CDH2: variants seen among roughly 807,000 people sequenced by gnomAD.
The protein encoded by CDH2 is cadherin 2, also known as cadherin-2.
A neutral mutation model predicts 92.0 loss-of-function variants in CDH2; 17 were observed. That is an observed-to-expected ratio of 0.18 (90% CI 0.13 to 0.28). CDH2 has a LOEUF of 0.28. CDH2 is among the 10% of genes least tolerant of loss of function. The probability of loss-of-function intolerance (pLI) is 1.00; values close to 1 mark genes in which losing one functional copy is unlikely to be tolerated. For missense variants in CDH2, 862 were observed against 1,133.1 expected (o/e 0.76, Z 3.44); for synonymous variants, 419 against 415.9 (o/e 1.01, Z -0.09).
At chr18:28,101,289 T>C (rs896918790) in intron 2 of CDH2, among the ~76,000 whole-genome samples, 11 of 152,238 alleles carry the variant, frequency 7.2e-5, no homozygotes, top group Admixed American at 6.5e-4. Flanking sequence ...GACCTTCCCA[T>C]GCCCTCAAAT....
chr18:28,003,002 G>T lies in CDH2; in HGVS notation c.1015C>A (p.Arg339=), dbSNP rs199703048. The change falls in exon 7 of 16, where the codon CGA becomes AGA. Residue 339 remains arginine, a synonymous_variant. Transcript: ENST00000269141. ...AGAGTTTTTGGTTGGCTTACTTCTCGATCAAGTCCAGCTGCCACTGTGATG... is the reference window on the plus strand; with the variant it reads ...AGAGTTTTTGGTTGGCTTACTTCTCTATCAAGTCCAGCTGCCACTGTGATG... The part of the protein sequence containing the change: ...DIITVAAGLD[R]EKVQQYTLII... 2.0e-5 allele frequency: 32 copies of T among 1,612,832 alleles called. No homozygotes were observed. Among genetic ancestry groups the T allele is most frequent in the Non-Finnish European group, 2.5e-5 (30 of 1,179,162 alleles).
chr18:28,038,370 C>T (rs1260944378), intron 2 of CDH2, among the ~76,000 whole-genome samples: 1 of 151,690 alleles, frequency 6.6e-6, no homozygotes, highest in Non-Finnish European at 1.5e-5. Flanking sequence ...CTACAGTGAG[C>T]TGTGATTGCA....
rs191615474 is a variant in CDH2, at chr18:27,990,498, A to G, written c.1345-148T>C. ...CCTCTCAAGTTTCTGGAAAACATGCATTAGCATGGTCACTTATCAAAATAT... is the reference window on the plus strand; with the variant it reads ...CCTCTCAAGTTTCTGGAAAACATGCGTTAGCATGGTCACTTATCAAAATAT... On this transcript the variant is annotated intron_variant, in intron 9 of 15. Transcript: ENST00000269141. 6 of 663,608 alleles carry G rather than the reference A, an allele frequency of 9.0e-6. No homozygotes were observed. The East Asian group carries it at 1.4e-4, about 15-fold the overall frequency. 41.1% of individuals were successfully genotyped at this position (663,608 alleles called of 1,614,324 possible).
intron 2 of CDH2, among the ~76,000 whole-genome samples, chr18:28,124,321 T>C (rs1408107387): frequency 6.6e-6 from 1 of 152,190 alleles, no homozygotes; most frequent in Non-Finnish European, 1.5e-5. Flanking sequence ...AGCCTGAATG[T>C]GCTGCGAATT....
At chr18:28,119,334 T>C (rs965891930) in intron 2 of CDH2, among the ~76,000 whole-genome samples, 8 of 152,152 alleles carry the variant, frequency 5.3e-5, no homozygotes, top group African/African-American at 1.9e-4. Flanking sequence ...ATGGGGAGCT[T>C]AATAAAGAGC....
intron 2 of CDH2, among the ~76,000 whole-genome samples, chr18:28,043,889 G>GTTTT (rs1298359943): frequency 2.6e-5 from 2 of 78,248 alleles, no homozygotes; most frequent in African/African-American, 4.2e-5. Flanking sequence ...CAGAATCTCG[G>GTTTT]ATTTTTTTTT....
At chr18:28,121,604 C>A (rs1279843425) in intron 2 of CDH2, among the ~76,000 whole-genome samples, 1 of 152,080 alleles carries the variant, frequency 6.6e-6, no homozygotes, top group African/African-American at 2.4e-5. Flanking sequence ...CCTGTAGCTA[C>A]CTTTCCAACA....
chr18:28,054,843 T>C (rs984157015), intron 2 of CDH2, among the ~76,000 whole-genome samples: 9 of 152,250 alleles, frequency 5.9e-5, no homozygotes, highest in African/African-American at 2.2e-4. Context: ...ATCTTTGCTA[T>C]ACTCCTAAAT....
intron 2 of CDH2, among the ~76,000 whole-genome samples, chr18:28,090,032 CAA>C (rs1200502814): frequency 1.3e-5 from 2 of 152,130 alleles, no homozygotes. Flanking sequence ...AGCATAACTA[CAA>C]AAAATTATTG....
chr18:28,167,581 T>A (rs1392034254), intron 1 of CDH2, among the ~76,000 whole-genome samples: 2 of 152,068 alleles, frequency 1.3e-5, no homozygotes, highest in Non-Finnish European at 2.9e-5. Context: ...AATCATGCTG[T>A]TGGAAGTCAA....
chr18:27,971,471 CTG>C (rs2011658035), intron 14 of CDH2, among the ~76,000 whole-genome samples: 1 of 152,022 alleles, frequency 6.6e-6, no homozygotes, highest in South Asian at 2.1e-4. Context: ...ATCTAAAATA[CTG>C]TGTCACTTGC....
At chr18:28,007,564 T>A (rs971857606) in intron 5 of CDH2, among the ~76,000 whole-genome samples, 1 of 152,174 alleles carries the variant, frequency 6.6e-6, no homozygotes, top group African/African-American at 2.4e-5. Flanking sequence ...TCAATACCTA[T>A]AGAGATAATT....
At chr18:28,010,681 G>A (rs1057139035) in intron 4 of CDH2, among the ~76,000 whole-genome samples, 3 of 139,270 alleles carry the variant, frequency 2.2e-5, no homozygotes, top group African/African-American at 8.2e-5. Context: ...TTTTTTTTTT[G>A]CGGGGGGGGA....
chr18:27,949,668 C>G (rs1909362191), downstream of CDH2, among the ~76,000 whole-genome samples: 1 of 151,640 alleles, frequency 6.6e-6, no homozygotes, highest in South Asian at 2.1e-4. Context: ...TGTAAAAATG[C>G]TTTTTGGAAG....
chr18:28,020,618 T>C (rs987529828), intron 2 of CDH2, among the ~76,000 whole-genome samples: 5 of 151,998 alleles, frequency 3.3e-5, no homozygotes, highest in Admixed American at 2.6e-4. Context: ...TTTTTCAAAA[T>C]ATGAAGCAGT....
At chr18:27,979,748 AAC>A (rs748155874) in intron 14 of CDH2, among the ~76,000 whole-genome samples, 2 of 145,968 alleles carry the variant, frequency 1.4e-5, no homozygotes, top group Non-Finnish European at 3.0e-5. Flanking sequence ...AAAAGTCAAA[AAC>A]AGGGGGTGCT....
intron 1 of CDH2, among the ~76,000 whole-genome samples, chr18:28,148,328 C>G (rs1257547312): frequency 6.6e-6 from 1 of 152,056 alleles, no homozygotes; most frequent in East Asian, 1.9e-4. Context: ...ATATTTATTT[C>G]TATAATTTGA....
At chr18:28,067,178 GT>G (rs1353139301) in intron 2 of CDH2, among the ~76,000 whole-genome samples, 8 of 151,914 alleles carry the variant, frequency 5.3e-5, no homozygotes, top group Non-Finnish European at 1.0e-4. Context: ...TTTACTTTTG[GT>G]TTATTTTCTA....
intron 2 of CDH2, among the ~76,000 whole-genome samples, chr18:28,118,817 T>A (rs1369107888): frequency 6.6e-6 from 1 of 152,054 alleles, no homozygotes; most frequent in Admixed American, 6.6e-5. Context: ...AATTACAGTC[T>A]AATTAAATGG....
Sources: allele counts gnomAD v4.1 joint callset (sites outside exome capture counted in the v4.1 genomes callset), GRCh38; gene constraint gnomAD v4.1.1; transcripts MANE v1.5; gene names NCBI Gene and HGNC (gene_info 2026-07-23, HGNC 2026-07-21).